PRDM5: variants seen among roughly 807,000 people sequenced by gnomAD.
PRDM5 encodes PR domain zinc finger protein 5.
In PRDM5, 56 loss-of-function variants were observed where a neutral mutation model predicts 81.2. That is an observed-to-expected ratio of 0.69 (90% CI 0.56 to 0.86). The LOEUF (loss-of-function observed/expected upper bound fraction) is 0.86. Among genes scored for constraint, PRDM5 ranks in the 40% least tolerant of loss-of-function variants. PRDM5 has a pLI of 0.00. For missense variants in PRDM5, 697 were observed against 770.1 expected, an observed-to-expected ratio of 0.91 and a Z score of 1.12; for synonymous variants, 267 against 256.4, an observed-to-expected ratio of 1.04 and a Z score of -0.39.
intron 14 of PRDM5, among the ~76,000 whole-genome samples, chr4:120,750,591 T>TCAATCA (rs1459095594): frequency 6.6e-6 from 1 of 152,076 alleles, no homozygotes; most frequent in African/African-American, 2.4e-5. Context: ...ACTCAAGCCC[T>TCAATCA]CAATCACATT....
At chr4:120,722,079 C>G (rs559161172) in intron 14 of PRDM5, among the ~76,000 whole-genome samples, 14 of 152,164 alleles carry the variant, frequency 9.2e-5, no homozygotes, top group Non-Finnish European at 1.9e-4. Flanking sequence ...GAGCCGGCTA[C>G]GCAGATGTGT....
chr4:120,859,434 A>C (rs1166499712), intron 2 of PRDM5, among the ~76,000 whole-genome samples: 1 of 152,094 alleles, frequency 6.6e-6, no homozygotes, highest in East Asian at 1.9e-4. Flanking sequence ...TATATTGCCC[A>C]GGCTGGTCTC....
At chr4:120,798,814 C>T (rs927079008) in intron 9 of PRDM5, among the ~76,000 whole-genome samples, 17 of 152,132 alleles carry the variant, frequency 1.1e-4, no homozygotes, top group African/African-American at 4.1e-4. Context: ...GCCACAAAGG[C>T]CTCATGGAGG....
chr4:120,873,090 A>G (rs939503784), intron 2 of PRDM5, among the ~76,000 whole-genome samples: 3 of 152,064 alleles, frequency 2.0e-5, no homozygotes, highest in African/African-American at 7.2e-5. Context: ...CAACCTCTGC[A>G]TCATGGGTTC....
At chr4:120,903,027 C>T (rs183866903) in intron 2 of PRDM5, among the ~76,000 whole-genome samples, 36 of 149,830 alleles carry the variant, frequency 2.4e-4, no homozygotes, top group Non-Finnish European at 4.4e-4. Context: ...ACCACAACCA[C>T]TGGCATCATA....
chr4:120,774,846 A>G (rs1747829539), intron 13 of PRDM5, among the ~76,000 whole-genome samples: 2 of 150,754 alleles, frequency 1.3e-5, no homozygotes, highest in Non-Finnish European at 3.0e-5. Context: ...ACACAAACAC[A>G]TACACCACTT....
At chr4:120,849,907 T>G (rs1759070963) in intron 3 of PRDM5, among the ~76,000 whole-genome samples, 1 of 152,134 alleles carries the variant, frequency 6.6e-6, no homozygotes, top group Admixed American at 6.6e-5. Flanking sequence ...AGTTGGAAAC[T>G]TTTCAGAAGT....
intron 1 of PRDM5, among the ~76,000 whole-genome samples, chr4:120,910,384 A>G (rs6844456): frequency 0.18 from 27,293 of 152,170 alleles, 2,732 homozygotes; most frequent in African/African-American, 0.27. Flanking sequence ...AAGATTTTAT[A>G]CTGAGTAGAC....
intron 14 of PRDM5, among the ~76,000 whole-genome samples, chr4:120,722,538 T>C (rs150899539): frequency 1.5e-3 from 231 of 152,192 alleles, no homozygotes; most frequent in African/African-American, 5.5e-3. Context: ...CTACACATTG[T>C]TATCACCCGA....
intron 14 of PRDM5, among the ~76,000 whole-genome samples, chr4:120,734,258 T>C (rs1236054475): frequency 1.3e-5 from 2 of 151,628 alleles, no homozygotes; most frequent in African/African-American, 4.8e-5. Context: ...TTTGTTTGTT[T>C]TTTTTTTAGC....
Position 120,845,313 on chromosome 4 carries a change from G to A in PRDM5, c.300+8105C>T, listed in dbSNP as rs541346125. 2.6e-5 allele frequency among the ~76,000 whole-genome samples: 4 copies of A among 152,330 alleles called. No individual in the cohort carries two copies. In the South Asian group the frequency reaches 8.3e-4, roughly 32 times the overall value. On this transcript the variant is annotated intron_variant, in intron 3 of 15. Coordinates refer to ENST00000264808, the MANE Select transcript of PRDM5 (RefSeq NM_018699.4). ...GAATTTTCATGGCGAGAGAGGAGAA[G>A]TGACACCTGGATTCAAAGCTTCAAA...
intron 2 of PRDM5, among the ~76,000 whole-genome samples, chr4:120,856,240 C>G (rs1001502192): frequency 3.9e-5 from 6 of 152,184 alleles, no homozygotes; most frequent in South Asian, 2.1e-4. Flanking sequence ...TAAAACTATT[C>G]TGAAATGTAT....
chr4:120,762,040 ATATAT>A (rs1412552743), intron 13 of PRDM5, among the ~76,000 whole-genome samples: 1 of 152,166 alleles, frequency 6.6e-6, no homozygotes, highest in Non-Finnish European at 1.5e-5. Flanking sequence ...TGTAATATAC[ATATAT>A]TTAATTATCT....
At chr4:120,699,163 T>TATAAATATAA (rs1303253765) in intron 15 of PRDM5, among the ~76,000 whole-genome samples, 13 of 22,312 alleles carry the variant, frequency 5.8e-4, no homozygotes, top group Non-Finnish European at 1.1e-3. Context: ...GAAATATAAA[T>TATAAATATAA]ATATATATAT....
intron 2 of PRDM5, among the ~76,000 whole-genome samples, chr4:120,895,833 T>C (rs1217532751): frequency 6.6e-6 from 1 of 152,210 alleles, no homozygotes; most frequent in Non-Finnish European, 1.5e-5. Context: ...TGTACCACCA[T>C]GCCTGGCTAA....
intron 10 of PRDM5, among the ~76,000 whole-genome samples, chr4:120,786,552 G>T (rs1398178984): frequency 6.6e-6 from 1 of 152,070 alleles, no homozygotes; most frequent in Non-Finnish European, 1.5e-5. Context: ...AGTAATGTTG[G>T]ATCTACCACT....
intron 14 of PRDM5, among the ~76,000 whole-genome samples, chr4:120,744,231 A>G (rs1742605453): frequency 6.6e-6 from 1 of 152,070 alleles, no homozygotes; most frequent in African/African-American, 2.4e-5. Flanking sequence ...TTTGAAACCA[A>G]TGAGAACAAA....
chr4:120,819,579 T>A (rs1461650389), intron 4 of PRDM5, among the ~76,000 whole-genome samples: 2 of 152,308 alleles, frequency 1.3e-5, no homozygotes, highest in East Asian at 3.9e-4. Flanking sequence ...GCTTGGTTCA[T>A]GTGTTTAAAA....
At chr4:120,795,307 C>G (rs1751188851) in intron 10 of PRDM5, among the ~76,000 whole-genome samples, 1 of 152,128 alleles carries the variant, frequency 6.6e-6, no homozygotes, top group African/African-American at 2.4e-5. Context: ...CACTGTACAA[C>G]TTACCCAAAT....
Sources: gnomAD v4.1 joint callset for allele counts (sites outside exome capture counted in the v4.1 genomes callset) on GRCh38, gnomAD v4.1.1 for gene constraint, MANE v1.5 for transcripts, NCBI Gene and HGNC (gene_info 2026-07-23, HGNC 2026-07-21) for gene names.